The following GRM8 variants were observed in gnomAD, a reference collection of about 807,000 sequenced individuals.
The protein encoded by GRM8 is glutamate metabotropic receptor 8, also known as metabotropic glutamate receptor 8.
In GRM8, 47 loss-of-function variants were observed where a neutral mutation model predicts 87.2. That is an observed-to-expected ratio of 0.54 (90% CI 0.43 to 0.69). GRM8 has a LOEUF of 0.69. Ranked by LOEUF, GRM8 falls within the 30% of genes least tolerant of loss-of-function variation. The pLI is 0.00. For missense variants in GRM8, 1,019 were observed against 1,139.2 expected, an observed-to-expected ratio of 0.89 and a Z score of 1.52; for synonymous variants, 396 against 404.5, an observed-to-expected ratio of 0.98 and a Z score of 0.25.
In GRM8 at chr7:126,439,057, G is replaced by T; in HGVS notation, c.*62C>A. On this transcript the variant is annotated 3_prime_UTR_variant, in exon 11 of 11. Coordinates refer to ENST00000339582, the MANE Select transcript of GRM8 (RefSeq NM_000845.3). ...AGATCTCCAGGAGTGAATTTTTGCG[G>T]TCTCATGTTCATCATTTAAGATCAT... is the stretch of plus-strand genomic sequence containing the variant. 1 of 985,174 alleles carries T rather than the reference G, an allele frequency of 1.0e-6. No individual in the cohort carries two copies. The allele number at this position is 985,174 out of a possible 1,614,324, so 61.0% of individuals were successfully genotyped here.
intron 7 of GRM8, among the ~76,000 whole-genome samples, chr7:126,619,267 C>A (rs559017985): frequency 6.6e-6 from 1 of 152,166 alleles, no homozygotes; most frequent in Non-Finnish European, 1.5e-5. Flanking sequence ...AGCAAACTAC[C>A]CCAAGAACAA....
intron 7 of GRM8, among the ~76,000 whole-genome samples, chr7:126,715,137 T>C (rs150187687): frequency 3.3e-4 from 51 of 152,340 alleles, no homozygotes; most frequent in African/African-American, 1.2e-3. Context: ...CATGGTGCTT[T>C]CAAGGTTTAC....
chr7:127,074,619 A>G (rs940572794), intron 3 of GRM8, among the ~76,000 whole-genome samples: 2 of 152,168 alleles, frequency 1.3e-5, no homozygotes, highest in Admixed American at 6.5e-5. Flanking sequence ...TCTCGAGATA[A>G]CCCAAAGCAT....
intron 3 of GRM8, among the ~76,000 whole-genome samples, chr7:127,036,316 C>T (rs1387241918): frequency 1.3e-5 from 2 of 152,126 alleles, no homozygotes; most frequent in African/African-American, 4.8e-5. Context: ...TCTGTTCAGT[C>T]GCATATCCTA....
intron 6 of GRM8, among the ~76,000 whole-genome samples, chr7:126,775,948 T>C (rs1443835624): frequency 6.6e-6 from 1 of 152,134 alleles, no homozygotes; most frequent in Non-Finnish European, 1.5e-5. Flanking sequence ...GATCTCCAAA[T>C]GCAGGCCTTT....
At chr7:127,020,243 C>T (rs1586770633) in intron 3 of GRM8, among the ~76,000 whole-genome samples, 2 of 152,092 alleles carry the variant, frequency 1.3e-5, no homozygotes, top group East Asian at 3.9e-4. Context: ...GAACTTTCAG[C>T]AGTCACTCTC....
At chr7:126,826,844 T>C (rs1794852565) in intron 6 of GRM8, among the ~76,000 whole-genome samples, 1 of 152,178 alleles carries the variant, frequency 6.6e-6, no homozygotes, top group Admixed American at 6.5e-5. Context: ...GTTTTTATGG[T>C]TTTAGGTCTA....
At chr7:126,711,164 G>C (rs1811060816) in intron 7 of GRM8, among the ~76,000 whole-genome samples, 1 of 152,200 alleles carries the variant, frequency 6.6e-6, no homozygotes, top group Non-Finnish European at 1.5e-5. Flanking sequence ...ATCACAGTGA[G>C]ACTGTCTCAA....
At chr7:127,220,010 G>A (rs17866042) in intron 2 of GRM8, among the ~76,000 whole-genome samples, 4,932 of 152,218 alleles carry the variant, frequency 0.032, 141 homozygotes, top group East Asian at 0.095. Context: ...TCTTCCTACC[G>A]CCCCAACCTA....
At chr7:126,946,111 G>A (rs1478722722) in intron 3 of GRM8, among the ~76,000 whole-genome samples, 2 of 152,220 alleles carry the variant, frequency 1.3e-5, no homozygotes, top group African/African-American at 4.8e-5. Flanking sequence ...GAATACAAAT[G>A]AAATGTTGAT....
intron 7 of GRM8, among the ~76,000 whole-genome samples, chr7:126,665,998 C>T (rs1156365408): frequency 6.6e-6 from 1 of 151,984 alleles, no homozygotes; most frequent in Non-Finnish European, 1.5e-5. Flanking sequence ...GTGAGAGCCT[C>T]CTTATTTCTT....
intron 7 of GRM8, among the ~76,000 whole-genome samples, chr7:126,741,264 C>T (rs947576829): frequency 4.0e-5 from 6 of 151,692 alleles, no homozygotes; most frequent in Non-Finnish European, 7.4e-5. Context: ...TCAGTGTTCC[C>T]GAGTTGATTC....
chr7:127,075,504 A>G (rs1822164837), intron 3 of GRM8, among the ~76,000 whole-genome samples: 1 of 152,108 alleles, frequency 6.6e-6, no homozygotes, highest in African/African-American at 2.4e-5. Context: ...GGCGAAGTAT[A>G]TGTGGGGCAG....
chr7:126,852,377 T>C (rs1451586825), intron 6 of GRM8, among the ~76,000 whole-genome samples: 1 of 152,178 alleles, frequency 6.6e-6, no homozygotes, highest in Non-Finnish European at 1.5e-5. Flanking sequence ...GAATGTATCA[T>C]TACAAACAAA....
intron 8 of GRM8, among the ~76,000 whole-genome samples, chr7:126,552,438 G>T (rs1792687225): frequency 1.3e-5 from 2 of 151,954 alleles, no homozygotes; most frequent in African/African-American, 2.4e-5. Context: ...TTCAATTTTT[G>T]TAAGTATTAG....
chr7:126,792,234 G>T (rs1012585174), intron 6 of GRM8, among the ~76,000 whole-genome samples: 2 of 152,184 alleles, frequency 1.3e-5, no homozygotes, highest in African/African-American at 4.8e-5. Flanking sequence ...ATATTTAAAA[G>T]AACATCACGG....
chr7:127,105,420 T>C (rs1397594285), intron 3 of GRM8: 1 of 152,180 alleles, frequency 6.6e-6, no homozygotes, highest in Admixed American at 6.5e-5. Flanking sequence ...AAATATTGTG[T>C]ATTATAATTT....
chr7:126,762,584 T>C (rs1400868128), intron 7 of GRM8, among the ~76,000 whole-genome samples: 1 of 152,152 alleles, frequency 6.6e-6, no homozygotes, highest in Non-Finnish European at 1.5e-5. Context: ...TTCAGGCATG[T>C]TATAATCCCA....
In GRM8 at chr7:127,163,836, A is replaced by T. The variant is rs547614958; in HGVS notation, c.511-57124T>A. On this transcript the variant is annotated intron_variant, in intron 2 of 10. Coordinates refer to ENST00000339582, the MANE Select transcript of GRM8 (RefSeq NM_000845.3). ...CATCATAAAGAAATTTTTTAATGAT[A>T]AAAAAAATGTTTAAGCACCCCTTTG... Among the ~76,000 whole-genome samples the T allele has an allele frequency of 2.6e-5, 4 of 152,038 alleles. No individual in the cohort carries two copies. In the South Asian group the frequency reaches 6.2e-4, roughly 24 times the overall value.
Sources: allele counts gnomAD v4.1 joint callset (sites outside exome capture counted in the v4.1 genomes callset), GRCh38; gene constraint gnomAD v4.1.1; transcripts MANE v1.5; gene names NCBI Gene and HGNC (gene_info 2026-07-23, HGNC 2026-07-21).